The following NSRP1 variants were observed in gnomAD, a reference collection of about 807,000 sequenced individuals.
NSRP1 encodes the protein coiled-coil domain containing 55.
A neutral mutation model predicts 54.7 loss-of-function variants in NSRP1; 24 were observed. That is an observed-to-expected ratio of 0.44 (90% CI 0.32 to 0.62). The LOEUF (loss-of-function observed/expected upper bound fraction) is 0.62, where lower values mean the gene tolerates loss of function less well. NSRP1 is among the 20% of genes least tolerant of loss of function. The pLI is 0.06. For missense variants in NSRP1, 596 were observed against 651.2 expected, an observed-to-expected ratio of 0.92 and a Z score of 0.92; for synonymous variants, 210 against 213.8, an observed-to-expected ratio of 0.98 and a Z score of 0.15.
intron 1 of NSRP1, chr17:30,117,418 T>TCCTTACTTTTGATGG: frequency 2.3e-6 from 1 of 444,168 alleles, no homozygotes; most frequent in African/African-American, 2.0e-5. Context: ...TGATGTGTAA[T>TCCTTACTTTTGATGG]CCTTACTTTT....
At chr17:30,147,305 T>C (rs1184105408) in intron 2 of NSRP1, among the ~76,000 whole-genome samples, 2 of 151,838 alleles carry the variant, frequency 1.3e-5, no homozygotes, top group African/African-American at 4.8e-5. Flanking sequence ...AATTTTTGTA[T>C]TTTTAGTAGA....
chr17:30,140,872 T>G lies in NSRP1; in HGVS notation c.114+22699T>G, dbSNP rs549923969. ...CTAATTTTGGTTATTTACATTTATT[T>G]AGAGACAGGGTCTCACTGTGTAGCC... On this transcript the variant is annotated intron_variant, in intron 2 of 6. Coordinates refer to ENST00000247026, the MANE Select transcript of NSRP1 (RefSeq NM_032141.4). Among the ~76,000 whole-genome samples, 4 of 152,274 alleles carry G rather than the reference T, an allele frequency of 2.6e-5. No individual in the cohort carries two copies. The East Asian group carries it at 5.8e-4, about 22-fold the overall frequency.
chr17:30,127,869 T>G, intron 2 of NSRP1: 1 of 398,022 alleles, frequency 2.5e-6, no homozygotes, highest in Non-Finnish European at 4.4e-6. Context: ...GATCTTGCTC[T>G]TTCACCCAGG....
intron 2 of NSRP1, among the ~76,000 whole-genome samples, chr17:30,128,617 TTTTC>T: frequency 6.6e-6 from 1 of 151,700 alleles, no homozygotes; most frequent in Admixed American, 6.6e-5. Context: ...CTTGCCAATA[TTTTC>T]TTTTCTAAAA....
intron 2 of NSRP1, among the ~76,000 whole-genome samples, chr17:30,152,903 C>CTTTTTTTTT (rs60246615): frequency 2.1e-5 from 1 of 46,918 alleles, no homozygotes; most frequent in African/African-American, 7.6e-5. Flanking sequence ...TTATTTTCAG[C>CTTTTTTTTT]TTTTTTTTTT....
chr17:30,129,473 T>G (rs1184612267), intron 2 of NSRP1, among the ~76,000 whole-genome samples: 1 of 152,066 alleles, frequency 6.6e-6, no homozygotes, highest in African/African-American at 2.4e-5. Context: ...CATTAGCAAG[T>G]TACAGGATTA....
At chr17:30,177,316 G>A (rs1597621098) in intron 3 of NSRP1, among the ~76,000 whole-genome samples, 1 of 151,592 alleles carries the variant, frequency 6.6e-6, no homozygotes, top group African/African-American at 2.4e-5. Context: ...AGGTTGCAGT[G>A]AGCCAAGATC....
rs1463607717 is a variant in NSRP1, at chr17:30,180,974, T to C, written c.575T>C (p.Val192Ala). The C allele has an allele frequency of 9.9e-6, 16 of 1,613,506 alleles. No individual in the cohort carries two copies. Among genetic ancestry groups the C allele is most frequent in the Non-Finnish European group, 1.3e-5 (15 of 1,179,652 alleles). The change falls in exon 6 of 7, where the codon GTT becomes GCT. Residue 192 changes from valine (V) to alanine (A), a missense_variant. Coordinates refer to ENST00000247026, the MANE Select transcript of NSRP1 (RefSeq NM_032141.4). ...GFYRHLLNQAVGEEEVPKCSF... is the reference protein window; with the variant it reads ...GFYRHLLNQAAGEEEVPKCSF... ...TATAGGCACCTATTAAATCAAGCAG[T>C]TGGTGAAGAGGAAGTACCTAAATGC...
chr17:30,180,745 T>C (rs1905264523), intron 5 of NSRP1, among the ~76,000 whole-genome samples, 163 bp from the exon 6 acceptor site: 1 of 152,190 alleles, frequency 6.6e-6, no homozygotes, highest in South Asian at 2.1e-4. Context: ...TCAATAAAAA[T>C]TTATTTATGA....
intron 2 of NSRP1, among the ~76,000 whole-genome samples, chr17:30,145,305 G>T (rs571803476): frequency 8.3e-6 from 1 of 121,102 alleles, no homozygotes; most frequent in Non-Finnish European, 1.7e-5. Context: ...CACTAAGGCC[G>T]GGCGCAGTGG....
intron 2 of NSRP1, among the ~76,000 whole-genome samples, chr17:30,119,931 T>C (rs2071582059): frequency 6.6e-6 from 1 of 152,224 alleles, no homozygotes; most frequent in African/African-American, 2.4e-5. Context: ...AATTTACATA[T>C]AAAATGCTCA....
chr17:30,171,976 C>CTCTCTCTCTCT (rs1567804388), intron 2 of NSRP1, among the ~76,000 whole-genome samples: 8 of 80,350 alleles, frequency 1.0e-4, no homozygotes, highest in South Asian at 5.4e-4. Context: ...ACACACACTC[C>CTCTCTCTCTCT]CTCTCTCTCT....
In NSRP1 at chr17:30,118,168, G is replaced by A. The variant is rs376127411; in HGVS notation, c.109G>A (p.Asp37Asn). The A allele has an allele frequency of 3.2e-5, 51 of 1,612,728 alleles. No individual in the cohort carries two copies. Among genetic ancestry groups the A allele is most frequent in the Non-Finnish European group, 4.0e-5 (47 of 1,179,026 alleles). ...GTTTGGGAATGATTCTGATGATGAT[G>A]ATGAGGTAAGGAAACCTATGTTTTA... ...SVFGNDSDDD[D>N]ETSVSESLQR... Residue 37 changes from aspartate to asparagine, a missense_variant, in exon 2 of 7, where the codon GAT (aspartate) becomes AAT (asparagine). Physicochemically the swap from Asp to Asn is conservative, Grantham distance 23 (BLOSUM62 1). Transcript: ENST00000247026.
At chr17:30,141,725 G>A (rs1277108516) in intron 2 of NSRP1, among the ~76,000 whole-genome samples, 1 of 152,194 alleles carries the variant, frequency 6.6e-6, no homozygotes. Flanking sequence ...AATATCGGCT[G>A]GGCGCAGTGG....
Position 30,153,875 on chromosome 17 carries a change from A to G in NSRP1, c.115-18667A>G, listed in dbSNP as rs187417447. On this transcript the variant is annotated intron_variant, in intron 2 of 6. Transcript: ENST00000247026. ...TCCTTAGTCACATTAGCCACATTTA[A>G]TGTGTTCTATAGCCACGTGTGACTG... Among the ~76,000 whole-genome samples the G allele has an allele frequency of 2.6e-5, 4 of 152,316 alleles. No homozygotes were observed. In the East Asian group the frequency reaches 5.8e-4, roughly 22 times the overall value.
At chr17:30,142,031 A>G (rs1319577605) in intron 2 of NSRP1, among the ~76,000 whole-genome samples, 2 of 152,176 alleles carry the variant, frequency 1.3e-5, no homozygotes, top group Non-Finnish European at 2.9e-5. Flanking sequence ...GAATATCTTT[A>G]GGTGGGGCAT....
chr17:30,161,522 T>C (rs1295255077), intron 2 of NSRP1, among the ~76,000 whole-genome samples: 1 of 152,242 alleles, frequency 6.6e-6, no homozygotes. Context: ...TTAGTTTATT[T>C]GCATATTCTT....
At chr17:30,131,447 T>G (rs2071698835) in intron 2 of NSRP1, among the ~76,000 whole-genome samples, 1 of 152,136 alleles carries the variant, frequency 6.6e-6, no homozygotes, top group Non-Finnish European at 1.5e-5. Context: ...AAAGTAAATA[T>G]CTCAGTAAAG....
At chr17:30,130,986 T>C (rs1404967325) in intron 2 of NSRP1, among the ~76,000 whole-genome samples, 2 of 152,172 alleles carry the variant, frequency 1.3e-5, no homozygotes, top group Non-Finnish European at 2.9e-5. Context: ...ACTTATATTC[T>C]CAAGGTGGTG....
Sources: gnomAD v4.1 joint callset for allele counts (sites outside exome capture counted in the v4.1 genomes callset) on GRCh38, gnomAD v4.1.1 for gene constraint, MANE v1.5 for transcripts, NCBI Gene and HGNC (gene_info 2026-07-23, HGNC 2026-07-21) for gene names.